The following JAK2 variants were observed in gnomAD, a reference collection of about 807,000 sequenced individuals.
JAK2 encodes the protein Janus kinase 2.
JAK2 carries 86 observed loss-of-function variants against 139.3 expected under a neutral mutation model. The ratio of observed to expected loss-of-function variants is 0.62; its 90% CI spans 0.52 to 0.74. The LOEUF is 0.74. JAK2 is among the 30% of genes least tolerant of loss of function. JAK2 has a pLI of 0.00. For synonymous variants in JAK2, 490 were observed against 437.7 expected (o/e 1.12, Z -1.49); for missense variants, 1,421 against 1,360.3 (o/e 1.04, Z -0.70).
intron 2 of JAK2, among the ~76,000 whole-genome samples, chr9:5,005,983 T>C (rs1023316465): frequency 1.3e-5 from 2 of 152,198 alleles, no homozygotes; most frequent in African/African-American, 4.8e-5. Flanking sequence ...GCAGGCTCTT[T>C]TTTGGTTCCA....
chr9:5,069,907 T>C lies in JAK2; in HGVS notation c.1514-18T>C. ...TCAGTGTATTTTGAAGTGATATATA[T>C]GTATTTTATTTTTTCAGATAAATCA... On this transcript the variant is annotated intron_variant, in intron 11 of 24. Coordinates refer to ENST00000381652, the MANE Select transcript of JAK2 (RefSeq NM_004972.4). 6.5e-7 allele frequency: 1 copy of C among 1,533,062 alleles called. No individual in the cohort carries two copies. The highest frequency in any genetic ancestry group is 8.9e-7 in the Non-Finnish European group (1 of 1,118,326). 95.0% of individuals were successfully genotyped at this position (1,533,062 alleles called of 1,614,324 possible). A position where few individuals can be genotyped will look rare whatever the true frequency, so the allele number is the denominator to read the frequency against.
At position 5,053,300 on chromosome 9, in the gene JAK2, T is replaced by C. The variant is rs367724284; in HGVS notation, c.615-1263T>C. On this transcript the variant is annotated intron_variant, in intron 6 of 24. Coordinates refer to ENST00000381652, the MANE Select transcript of JAK2 (RefSeq NM_004972.4). ...GTAGAGAAGTGTCTATTTGAATTCA[T>C]TGCTCATTTTTTAATTGGGTTATTT... is the stretch of plus-strand genomic sequence containing the variant. 3.9e-5 allele frequency among the ~76,000 whole-genome samples: 6 copies of C among 152,190 alleles called. No homozygotes were observed. In the South Asian group the frequency reaches 8.3e-4, roughly 21 times the overall value.
At chr9:5,048,231 T>C (rs955049203) in intron 5 of JAK2, among the ~76,000 whole-genome samples, 2 of 152,038 alleles carry the variant, frequency 1.3e-5, no homozygotes, top group Non-Finnish European at 2.9e-5. Context: ...AACCTCTGCC[T>C]CCCAGGTTCA....
At chr9:5,097,618 G>C (rs1418315063) in intron 22 of JAK2, 1 of 149,054 alleles carries the variant, frequency 6.7e-6, no homozygotes, top group Admixed American at 6.6e-5. Flanking sequence ...TGGCATCAAG[G>C]TCTTTAGCTG....
chr9:5,086,074 ACAAGT>A (rs1820079688), intron 19 of JAK2: 1 of 674,588 alleles, frequency 1.5e-6, no homozygotes, highest in Admixed American at 1.9e-5. Context: ...GGTATCTGAG[ACAAGT>A]CAAGTCCCTT....
rs1219951692 is a variant in JAK2, at chr9:5,021,987, CATGGGAATGGCCTGCCTTACG to C, written c.4_24del (p.GlyMetAlaCysLeuThrMet2_?8). 6.2e-7 allele frequency: 1 copy of C among 1,608,442 alleles called. No individual in the cohort carries two copies. The highest frequency in any genetic ancestry group is 1.7e-5 in the Admixed American group (1 of 59,962). ...GGCAAATGTTCTGAAAAAGACTCTG[CATGGGAATGGCCTGCCTTACG>C]ATGACAGAAATGGAGGGAACATCCA... On this transcript the variant is annotated start_lost and inframe_deletion, in exon 3 of 25. Transcript: ENST00000381652.
At chr9:5,042,965 G>A (rs1816715577) in intron 4 of JAK2, among the ~76,000 whole-genome samples, 1 of 152,242 alleles carries the variant, frequency 6.6e-6, no homozygotes, top group African/African-American at 2.4e-5. Context: ...CCGAGGCTGT[G>A]CTCCGACCCT....
At position 5,114,504 on chromosome 9, in the gene JAK2, G is replaced by A. The variant is rs143696294; in HGVS notation, c.3060-8500G>A. 276 of 470,614 alleles carry A rather than the reference G, an allele frequency of 5.9e-4. 2 individuals are homozygous for A. Among genetic ancestry groups the A allele is most frequent in the South Asian group, 4.3e-3 (235 of 55,264 alleles). The allele number at this position is 470,614 out of a possible 1,614,324, so 29.2% of individuals were successfully genotyped here. A position where few individuals can be genotyped will look rare whatever the true frequency, so the allele number is the denominator to read the frequency against. On this transcript the variant is annotated intron_variant, in intron 22 of 24. Coordinates refer to ENST00000381652, the MANE Select transcript of JAK2 (RefSeq NM_004972.4). ...CCCATGTGCTCCCCCACAGGTCTAC[G>A]TGTTTGCAACGCTAGAAGAGCCGAG...
At chr9:5,033,857 G>A (rs969186869) in intron 4 of JAK2, among the ~76,000 whole-genome samples, 43 of 152,082 alleles carry the variant, frequency 2.8e-4, no homozygotes, top group Non-Finnish European at 2.2e-4. Flanking sequence ...ACCAGGTAAC[G>A]TCATAAAGAC....
chr9:5,037,465 C>G (rs1430155145), intron 4 of JAK2, among the ~76,000 whole-genome samples: 1 of 152,132 alleles, frequency 6.6e-6, no homozygotes, highest in Non-Finnish European at 1.5e-5. Flanking sequence ...GCTAGATGTC[C>G]AACAATGATA....
Position 5,127,997 on chromosome 9 carries a change from G to A in JAK2, c.*1206G>A. Reference sequence around the variant, plus strand: ...ATACATCTTAAATCTTTTCAATTAAGTATAAGGGGTTGTTCGTTGTTGTCA... The same window carrying A: ...ATACATCTTAAATCTTTTCAATTAAATATAAGGGGTTGTTCGTTGTTGTCA... On this transcript the variant is annotated 3_prime_UTR_variant, in exon 25 of 25. Coordinates refer to ENST00000381652, the MANE Select transcript of JAK2 (RefSeq NM_004972.4). 1 of 231,756 alleles carries A rather than the reference G, an allele frequency of 4.3e-6. No individual in the cohort carries two copies. The highest frequency in any genetic ancestry group is 8.5e-6 in the Non-Finnish European group (1 of 117,180). The allele number at this position is 231,756 out of a possible 1,614,324, so 14.4% of individuals were successfully genotyped here. A position where few individuals can be genotyped will look rare whatever the true frequency, so the allele number is the denominator to read the frequency against.
chr9:5,118,553 A>G (rs1823377366), intron 22 of JAK2, among the ~76,000 whole-genome samples: 1 of 152,172 alleles, frequency 6.6e-6, no homozygotes, highest in Admixed American at 6.5e-5. Flanking sequence ...GAATGGAACA[A>G]TCCCTCCCCT....
intron 22 of JAK2, among the ~76,000 whole-genome samples, chr9:5,116,555 G>C (rs1823189690): frequency 6.6e-6 from 1 of 152,032 alleles, no homozygotes; most frequent in African/African-American, 2.4e-5. Context: ...AAATTAAAGA[G>C]GTTAAATAAA....
chr9:5,046,012 C>G (rs1253623557), intron 5 of JAK2, among the ~76,000 whole-genome samples: 3 of 152,130 alleles, frequency 2.0e-5, no homozygotes, highest in East Asian at 3.8e-4. Context: ...CAGCAGTGCA[C>G]AAGTGTTCCA....
intron 17 of JAK2, 26 bp from the exon 18 acceptor site, chr9:5,080,505 TTC>T (rs1379386754): frequency 6.4e-7 from 1 of 1,564,478 alleles, no homozygotes; most frequent in African/African-American, 1.4e-5. Flanking sequence ...ACACAATTTA[TTC>T]TCAGTTTGTG....
rs1161815180 is a variant in JAK2, at chr9:5,054,062, G to T, written c.615-501G>T. Among the ~76,000 whole-genome samples, 2 of 152,012 alleles carry T rather than the reference G, an allele frequency of 1.3e-5. No homozygotes were observed. The highest frequency in any genetic ancestry group is 2.4e-5 in the African/African-American group (1 of 41,438). On this transcript the variant is annotated intron_variant, in intron 6 of 24. Coordinates refer to ENST00000381652, the MANE Select transcript of JAK2 (RefSeq NM_004972.4). The surrounding 1 kb of genome is among the most constrained non-coding windows in gnomAD (Gnocchi z 4.9). ...GTTTTGATCACAAAGGAATTATTAG[G>T]AGTTGAAGCTGGCCTAACAAAATAA...
rs58424625 is a variant in JAK2, at chr9:5,062,500, T to TAAAAAAAAAAAAAAA, written c.1057-2366_1057-2352dup. Among the ~76,000 whole-genome samples the TAAAAAAAAAAAAAAA allele has an allele frequency of 8.2e-4, 48 of 58,228 alleles. 3 individuals are homozygous for TAAAAAAAAAAAAAAA. Among genetic ancestry groups the TAAAAAAAAAAAAAAA allele is most frequent in the African/African-American group, 4.3e-3 (41 of 9,582 alleles). The allele number at this position is 58,228 out of a possible 152,430, so 38.2% of individuals were successfully genotyped here. ...AAGTTTGTCAGAAACCTTCCATTTG[T>TAAAAAAAAAAAAAAA]AAAAAAAAAAAAAAAAAAAAAAAAA... On this transcript the variant is annotated intron_variant, in intron 8 of 24. Transcript: ENST00000381652.
rs1053489820 is a variant in JAK2, at chr9:5,129,204, G to GCATT, written c.*2414_*2417dup. 2.6e-5 allele frequency among the ~76,000 whole-genome samples: 4 copies of GCATT among 152,028 alleles called. No individual in the cohort carries two copies. Among genetic ancestry groups the GCATT allele is most frequent in the Non-Finnish European group, 5.9e-5 (4 of 67,928 alleles). ...AGAGCCAATCTTGATGGTGGGTGTG[G>GCATT]CATTATGTGCTCACTTTATTGAGCC... is the stretch of plus-strand genomic sequence containing the variant. On this transcript the variant is annotated 3_prime_UTR_variant, in exon 25 of 25. Coordinates refer to ENST00000381652, the MANE Select transcript of JAK2 (RefSeq NM_004972.4).
chr9:5,041,639 G>T, intron 4 of JAK2: 1 of 502,128 alleles, frequency 2.0e-6, no homozygotes, highest in South Asian at 1.5e-5. Context: ...ACTTTGAGAA[G>T]CTCGACTACG....
Sources: allele counts gnomAD v4.1 joint callset (sites outside exome capture counted in the v4.1 genomes callset), GRCh38; gene constraint gnomAD v4.1.1; non-coding constraint Gnocchi (gnomAD v3.1); transcripts MANE v1.5; gene names NCBI Gene and HGNC (gene_info 2026-07-23, HGNC 2026-07-21).